PRTFDC1: variants seen among roughly 807,000 people sequenced by gnomAD.
PRTFDC1 encodes the protein phosphoribosyltransferase domain-containing protein 1.
A neutral mutation model predicts 34.6 loss-of-function variants in PRTFDC1; 38 were observed. The ratio of observed to expected loss-of-function variants is 1.10; its 90% CI spans 0.85 to 1.44. The LOEUF (loss-of-function observed/expected upper bound fraction) is 1.44, where lower values mean the gene tolerates loss of function less well. Among genes scored for constraint, PRTFDC1 ranks in the 40% most tolerant of loss-of-function variants. PRTFDC1 has a pLI of 0.00. For synonymous variants in PRTFDC1, 93 were observed against 98.1 expected, an observed-to-expected ratio of 0.95 and a Z score of 0.31; for missense variants, 270 against 283.0, an observed-to-expected ratio of 0.95 and a Z score of 0.33.
Position 24,949,068 on chromosome 10 carries a change from G to A in PRTFDC1, c.48+3460C>T, listed in dbSNP as rs116775605. Among the ~76,000 whole-genome samples the A allele has an allele frequency of 2.2e-3, 335 of 152,232 alleles. 3 individuals carry two copies. Among genetic ancestry groups the A allele is most frequent in the African/African-American group, 7.5e-3 (310 of 41,540 alleles). On this transcript the variant is annotated intron_variant, in intron 1 of 8. Transcript: ENST00000320152. ...ACCTCCCTTACAGATTTGTGCTCAA[G>A]AAATGCTTGCTATTATTACCTGCCC...
intron 3 of PRTFDC1, among the ~76,000 whole-genome samples, chr10:24,921,687 C>A (rs1260101986): frequency 7.1e-6 from 1 of 139,928 alleles, no homozygotes. Flanking sequence ...TTGTCAATGT[C>A]TGTTTGAGTT....
chr10:24,869,722 G>A (rs1247338842), intron 4 of PRTFDC1, among the ~76,000 whole-genome samples: 4 of 152,154 alleles, frequency 2.6e-5, no homozygotes, highest in Non-Finnish European at 2.9e-5. Flanking sequence ...CTCAGTCCCC[G>A]TTGAATCTCC....
At position 24,898,568 on chromosome 10, in the gene PRTFDC1, C is replaced by T. The variant is rs150224426; in HGVS notation, c.340-26505G>A. 4.4e-3 allele frequency among the ~76,000 whole-genome samples: 668 copies of T among 151,736 alleles called. 6 individuals are homozygous for T. Among genetic ancestry groups the T allele is most frequent in the African/African-American group, 0.015 (606 of 41,362 alleles). ...ATAGAACCAGGAACACAGATGGCTT[C>T]GGGTCTCCCTCTCCTTTTCTCCTTC... On this transcript the variant is annotated intron_variant, in intron 3 of 8. Coordinates refer to ENST00000320152, the MANE Select transcript of PRTFDC1 (RefSeq NM_020200.7).
At chr10:24,931,104 T>C (rs7078660) in intron 3 of PRTFDC1, among the ~76,000 whole-genome samples, 26,884 of 152,054 alleles carry the variant, frequency 0.18, 3,411 homozygotes, top group African/African-American at 0.36. Flanking sequence ...GAATTATGTA[T>C]GGAAAATCCC....
chr10:24,913,956 C>T (rs1046303111), intron 3 of PRTFDC1, among the ~76,000 whole-genome samples: 9 of 152,134 alleles, frequency 5.9e-5, no homozygotes, highest in Non-Finnish European at 1.0e-4. Context: ...TGCTTGACTT[C>T]TGGGAAATAT....
At chr10:24,931,903 G>A (rs1338679157) in intron 3 of PRTFDC1, among the ~76,000 whole-genome samples, 1 of 123,566 alleles carries the variant, frequency 8.1e-6, no homozygotes, top group African/African-American at 3.5e-5. Flanking sequence ...ATCAGAAAAA[G>A]GCACTATAAG....
Position 24,923,164 on chromosome 10 carries a change from C to T in PRTFDC1, c.339+14020G>A, listed in dbSNP as rs578020629. On this transcript the variant is annotated intron_variant, in intron 3 of 8. Transcript: ENST00000320152. The stretch of plus-strand genomic sequence containing the variant: ...GCTGGGAAGCTCAAACTGGGCAGAG[C>T]CCACCACAGCTCAGCAAGGCCTACC... Among the ~76,000 whole-genome samples the T allele has an allele frequency of 2.0e-5, 3 of 152,328 alleles. No individual in the cohort carries two copies. In the South Asian group the frequency reaches 6.2e-4, roughly 32 times the overall value.
At chr10:24,869,310 G>T (rs186322678) in intron 4 of PRTFDC1, among the ~76,000 whole-genome samples, 1 of 151,640 alleles carries the variant, frequency 6.6e-6, no homozygotes, top group East Asian at 1.9e-4. Flanking sequence ...CTATCCTAAG[G>T]CAGCAACTAT....
rs994074742 is a variant in PRTFDC1 at position 24,865,039 on chromosome 10, C to T, written c.406-6630G>A. Among the ~76,000 whole-genome samples, 14 of 152,244 alleles carry T rather than the reference C, an allele frequency of 9.2e-5. No individual in the cohort carries two copies. In the South Asian group the frequency reaches 1.0e-3, roughly 11 times the overall value. ...GCTGAGGCACAAGAATTGCTTAAACCGGAGAGGCAGAGGTTGCAGTGAGCT... is the reference window on the plus strand; with the variant it reads ...GCTGAGGCACAAGAATTGCTTAAACTGGAGAGGCAGAGGTTGCAGTGAGCT... On this transcript the variant is annotated intron_variant, in intron 4 of 8. Transcript: ENST00000320152.
chr10:24,856,963 T>A lies in PRTFDC1; in HGVS notation c.456A>T (p.Ala152=), dbSNP rs1382595709. Residue 152 remains alanine (A), a synonymous_variant, in exon 6 of 9, where the codon GCA becomes GCT. Transcript: ENST00000320152. ...DVVGTGRTMK[A]LLSNIEKYKP... ...TGTATTTCTCTATATTGCTGAGTAG[T>A]GCTTTCATGGTCCTCCCAGTTCCGA... 1 of 1,613,754 alleles carries A rather than the reference T, an allele frequency of 6.2e-7. No homozygotes were observed. Among genetic ancestry groups the A allele is most frequent in the East Asian group, 2.2e-5 (1 of 44,888 alleles).
chr10:24,908,642 C>A (rs1359294187), intron 3 of PRTFDC1: 1 of 1,611,586 alleles, frequency 6.2e-7, no homozygotes, highest in East Asian at 2.2e-5. Flanking sequence ...GAAGGCCAGT[C>A]CTCCTCTATC....
intron 3 of PRTFDC1, among the ~76,000 whole-genome samples, chr10:24,875,934 C>T (rs1253588800): frequency 6.7e-6 from 1 of 150,162 alleles, no homozygotes; most frequent in Non-Finnish European, 1.5e-5. Flanking sequence ...TAGCTCATTG[C>T]ACCCTCGAAC....
chr10:24,866,340 G>A (rs1006314156), intron 4 of PRTFDC1, among the ~76,000 whole-genome samples: 6 of 136,026 alleles, frequency 4.4e-5, no homozygotes, highest in South Asian at 2.3e-4. Flanking sequence ...CAGCCTGGGC[G>A]ATAGAGCGAG....
At chr10:24,943,011 G>T (rs1356090642) in intron 1 of PRTFDC1, among the ~76,000 whole-genome samples, 1 of 150,326 alleles carries the variant, frequency 6.7e-6, no homozygotes, top group Admixed American at 6.7e-5. Flanking sequence ...ATTTGTGAGG[G>T]CATATGTGTA....
chr10:24,871,747 G>C (rs577784918), intron 4 of PRTFDC1, among the ~76,000 whole-genome samples: 1 of 152,256 alleles, frequency 6.6e-6, no homozygotes, highest in African/African-American at 2.4e-5. Flanking sequence ...GGTGGGCAAA[G>C]GGGTTTTGCT....
At chr10:24,872,105 C>A in intron 3 of PRTFDC1, 42 bp from the exon 4 acceptor site, 4 of 1,522,540 alleles carry the variant, frequency 2.6e-6, no homozygotes, top group Non-Finnish European at 3.6e-6. Context: ...TTTTACCGCA[C>A]AAGAAAACCT....
At chr10:24,884,012 T>C (rs1848124107) in intron 3 of PRTFDC1, among the ~76,000 whole-genome samples, 1 of 151,890 alleles carries the variant, frequency 6.6e-6, no homozygotes, top group African/African-American at 2.4e-5. Flanking sequence ...TTTTATATTT[T>C]AGTAGAGACA....
At chr10:24,941,874 T>C (rs1267126126) in intron 2 of PRTFDC1, among the ~76,000 whole-genome samples, 1 of 152,222 alleles carries the variant, frequency 6.6e-6, no homozygotes, top group Non-Finnish European at 1.5e-5. Context: ...TCAAGCAGGT[T>C]TCTTTTCTGT....
rs145870631 is a variant in PRTFDC1, at chr10:24,917,362, T to C, written c.339+19822A>G. ...ATGGTTGTTGGATAGAAAAAGCAAG[T>C]GTGTCTGTTGCAGTACACATTTTTT... On this transcript the variant is annotated intron_variant, in intron 3 of 8. Transcript: ENST00000320152. Among the ~76,000 whole-genome samples, 739 of 152,296 alleles carry C rather than the reference T, an allele frequency of 4.9e-3. 8 individuals are homozygous for C. The highest frequency in any genetic ancestry group is 0.017 in the African/African-American group (711 of 41,572).
Sources: allele counts gnomAD v4.1 joint callset (sites outside exome capture counted in the v4.1 genomes callset), GRCh38; gene constraint gnomAD v4.1.1; transcripts MANE v1.5; gene names NCBI Gene and HGNC (gene_info 2026-07-23, HGNC 2026-07-21).